Variants in NUP98 observed in about 807,000 individuals in gnomAD.
The protein encoded by NUP98 is nuclear pore complex protein Nup98-Nup96.
Under a neutral mutation model 191.9 loss-of-function variants are expected in NUP98, and 26 were observed. The observed-to-expected ratio is 0.14, with a 90% CI of 0.10 to 0.19. The LOEUF (loss-of-function observed/expected upper bound fraction) is 0.19. NUP98 is among the 10% of genes least tolerant of loss of function. The pLI is 1.00. For synonymous variants in NUP98, 808 were observed against 778.4 expected, an observed-to-expected ratio of 1.04 and a Z score of -0.63; for missense variants, 1,941 against 2,178.8, an observed-to-expected ratio of 0.89 and a Z score of 2.17.
At position 3,756,880 on chromosome 11, in the gene NUP98, G is replaced by A. The variant is rs537444789; in HGVS notation, c.1175-3472C>T. Among the ~76,000 whole-genome samples the A allele has an allele frequency of 2.7e-3, 405 of 151,420 alleles. 3 individuals carry two copies. Among genetic ancestry groups the A allele is most frequent in the African/African-American group, 8.9e-3 (368 of 41,304 alleles). ...AGGTGAGCGGATCACGAGGTCAGGA[G>A]ATCGAGACCATCCCGGCTAACATGG... On this transcript the variant is annotated intron_variant, in intron 10 of 32. Transcript: ENST00000324932.
At chr11:3,788,014 C>A (rs187073732) in intron 1 of NUP98, among the ~76,000 whole-genome samples, 4 of 152,102 alleles carry the variant, frequency 2.6e-5, no homozygotes, top group Non-Finnish European at 5.9e-5. Flanking sequence ...CACTTTACTT[C>A]CCCTCTTCCT....
At chr11:3,742,910 T>C (rs776946073) in intron 12 of NUP98, among the ~76,000 whole-genome samples, 1 of 152,176 alleles carries the variant, frequency 6.6e-6, no homozygotes, top group Non-Finnish European at 1.5e-5. Flanking sequence ...ATTAATTTAG[T>C]GGTACAGAAA....
chr11:3,710,436 C>G (rs1409206666), intron 20 of NUP98, among the ~76,000 whole-genome samples: 3 of 152,100 alleles, frequency 2.0e-5, no homozygotes, highest in African/African-American at 7.2e-5. Context: ...TAAGAACCAA[C>G]TGGAAACAGG....
At position 3,690,999 on chromosome 11, in the gene NUP98, G is replaced by A. The variant is rs1018235349; in HGVS notation, c.4454+348C>T. Reference sequence around the variant, plus strand: ...ACTAACTTATAGTAACAAAAAACTAGTCAATAGGTATCTGACTGATTGCAA... The same window carrying A: ...ACTAACTTATAGTAACAAAAAACTAATCAATAGGTATCTGACTGATTGCAA... On this transcript the variant is annotated intron_variant, in intron 28 of 32. Transcript: ENST00000324932. Among the ~76,000 whole-genome samples the A allele has an allele frequency of 2.6e-5, 4 of 152,048 alleles. No homozygotes were observed. In the East Asian group the frequency reaches 7.7e-4, roughly 29 times the overall value.
chr11:3,793,955 G>A (rs377570956), intron 1 of NUP98, among the ~76,000 whole-genome samples: 1 of 151,798 alleles, frequency 6.6e-6, no homozygotes, highest in Admixed American at 6.6e-5. Flanking sequence ...GGCAACAAGA[G>A]CGAAACTCTG....
chr11:3,747,055 A>C (rs2080532381), intron 11 of NUP98, among the ~76,000 whole-genome samples: 1 of 152,120 alleles, frequency 6.6e-6, no homozygotes, highest in Non-Finnish European at 1.5e-5. Flanking sequence ...ATGGCTTTTT[A>C]TGTTTAATGA....
At position 3,702,651 on chromosome 11, in the gene NUP98, G is replaced by C; in HGVS notation, c.3324C>G (p.Thr1108=). 6.2e-7 allele frequency: 1 copy of C among 1,614,110 alleles called. No homozygotes were observed. The highest frequency in any genetic ancestry group is 8.5e-7 in the Non-Finnish European group (1 of 1,180,020). Residue 1108 remains threonine (T), a synonymous_variant, in exon 23 of 33, where the codon ACC becomes ACG. Coordinates refer to ENST00000324932, the MANE Select transcript of NUP98 (RefSeq NM_016320.5). Reference sequence around the variant, plus strand: ...CCATCAAGAGTTTTCCCTTGCCATAGGTGACAGACTTTTCACGAGGGACTA... The same window carrying C: ...CCATCAAGAGTTTTCCCTTGCCATACGTGACAGACTTTTCACGAGGGACTA... The part of the protein sequence containing the change: ...LGLVPREKSV[T]YGKGKLLMDM...
chr11:3,695,960 G>A (rs1014010218), intron 25 of NUP98, among the ~76,000 whole-genome samples: 1 of 152,172 alleles, frequency 6.6e-6, no homozygotes, highest in Non-Finnish European at 1.5e-5. Context: ...GGCAGGCCAA[G>A]GGAGGTGGAT....
intron 1 of NUP98, among the ~76,000 whole-genome samples, chr11:3,788,811 G>A (rs1554905508): frequency 6.7e-6 from 1 of 150,118 alleles, no homozygotes; most frequent in African/African-American, 2.5e-5. Context: ...GCCAGTTGTC[G>A]TGACGCATGC....
rs548404645 is a variant in NUP98, at chr11:3,678,016, A to G, written c.5074-1396T>C. Among the ~76,000 whole-genome samples the G allele has an allele frequency of 3.9e-5, 6 of 152,098 alleles. No individual in the cohort carries two copies. In the East Asian group the frequency reaches 1.2e-3, roughly 29 times the overall value. On this transcript the variant is annotated intron_variant, in intron 31 of 32. Transcript: ENST00000324932. ...CACACAAAGCTGGGTGTGGTGGCACACGCCTGTAATCCCAGCTACTGGGGA... is the reference window on the plus strand; with the variant it reads ...CACACAAAGCTGGGTGTGGTGGCACGCGCCTGTAATCCCAGCTACTGGGGA...
Position 3,735,344 on chromosome 11 carries a change from A to G in NUP98, c.1409-20T>C. The G allele has an allele frequency of 1.5e-6, 2 of 1,313,780 alleles. No homozygotes were observed. Among genetic ancestry groups the G allele is most frequent in the Non-Finnish European group, 1.0e-6 (1 of 1,003,040 alleles). 81.4% of individuals were successfully genotyped at this position (1,313,780 alleles called of 1,614,324 possible). ...TCAAAGCTTTTAAAAAAAAAAAAAG[A>G]AAACAAAATATATATATATATATAA... On this transcript the variant is annotated intron_variant, in intron 12 of 32. Transcript: ENST00000324932.
intron 7 of NUP98, among the ~76,000 whole-genome samples, chr11:3,771,319 G>A (rs2081524381): frequency 6.6e-6 from 1 of 152,072 alleles, no homozygotes; most frequent in Non-Finnish European, 1.5e-5. Context: ...ACAACTTTCA[G>A]GATTTCCTAA....
At chr11:3,740,280 G>A (rs1277416601) in intron 12 of NUP98, among the ~76,000 whole-genome samples, 2 of 152,164 alleles carry the variant, frequency 1.3e-5, no homozygotes, top group East Asian at 3.8e-4. Context: ...GGAGGCCGAA[G>A]CGAGAGGATT....
At chr11:3,710,785 T>C (rs2079006665) in intron 20 of NUP98, among the ~76,000 whole-genome samples, 1 of 152,250 alleles carries the variant, frequency 6.6e-6, no homozygotes, top group Non-Finnish European at 1.5e-5. Flanking sequence ...TCTAGAGTCC[T>C]ACATTTCTGC....
chr11:3,702,422 C>G, intron 23 of NUP98, 41 bp downstream of exon 23: 2 of 1,545,890 alleles, frequency 1.3e-6, no homozygotes, highest in South Asian at 2.3e-5. Context: ...TTTCACCTAT[C>G]ATGTTGCCTT....
intron 7 of NUP98, among the ~76,000 whole-genome samples, chr11:3,770,627 C>T (rs1026310826): frequency 6.6e-6 from 1 of 151,998 alleles, no homozygotes; most frequent in Non-Finnish European, 1.5e-5. Flanking sequence ...CTTTTCTCTA[C>T]AGAGGCAAAC....
intron 5 of NUP98, among the ~76,000 whole-genome samples, chr11:3,775,413 G>A (rs1463984628): frequency 1.3e-5 from 2 of 152,018 alleles, no homozygotes; most frequent in Non-Finnish European, 2.9e-5. Context: ...GTGGACTCTT[G>A]TAATCACAGC....
chr11:3,678,087 G>A (rs2077873863), intron 31 of NUP98, among the ~76,000 whole-genome samples: 1 of 150,138 alleles, frequency 6.7e-6, no homozygotes, highest in South Asian at 2.1e-4. Flanking sequence ...GCAGTGAGCT[G>A]AGATTGTGCC....
chr11:3,765,823 G>T (rs1458877388), intron 8 of NUP98, among the ~76,000 whole-genome samples: 3 of 144,508 alleles, frequency 2.1e-5, no homozygotes, highest in Non-Finnish European at 4.6e-5. Flanking sequence ...AAAAAAAATT[G>T]ATCAATTTTA....
Sources: gnomAD v4.1 joint callset for allele counts (sites outside exome capture counted in the v4.1 genomes callset) on GRCh38, gnomAD v4.1.1 for gene constraint, MANE v1.5 for transcripts, NCBI Gene and HGNC (gene_info 2026-07-23, HGNC 2026-07-21) for gene names.